IVD: variants seen among roughly 807,000 people sequenced by gnomAD.
IVD encodes isovaleryl-CoA dehydrogenase, mitochondrial.
Under a neutral mutation model 51.3 loss-of-function variants are expected in IVD, and 31 were observed. That is an observed-to-expected ratio of 0.60 (90% confidence interval 0.45 to 0.81). The LOEUF is 0.81. Ranked by LOEUF, IVD falls within the 40% of genes least tolerant of loss-of-function variation. The pLI, the probability that IVD is intolerant of heterozygous loss-of-function variation, is 0.00. For synonymous variants in IVD, 205 were observed against 219.4 expected (o/e 0.93, Z 0.58); for missense variants, 475 against 552.0 (o/e 0.86, Z 1.40).
At chr15:40,427,899 C>T (rs971826452), downstream of IVD, among the ~76,000 whole-genome samples, 2 of 152,076 alleles carry the variant, frequency 1.3e-5, no homozygotes, top group African/African-American at 4.8e-5. Flanking sequence ...TAAGACTGGA[C>T]TGCCAGGCAC....
chr15:40,412,195 G>A (rs12440317), intron 6 of IVD, among the ~76,000 whole-genome samples: 17,310 of 152,254 alleles, frequency 0.11, 1,774 homozygotes, highest in East Asian at 0.49. Context: ...AAAGAAAATA[G>A]AGGGAGAAAT....
intron 8 of IVD, chr15:40,435,372 G>C: frequency 9.9e-7 from 1 of 1,014,446 alleles, no homozygotes; most frequent in Non-Finnish European, 1.2e-6. Context: ...GGCAGGAGCC[G>C]CTGGGGTTGT....
intron 7 of IVD, chr15:40,414,679 G>A (rs777305510): frequency 2.9e-6 from 2 of 685,996 alleles, no homozygotes; most frequent in South Asian, 1.7e-5. Flanking sequence ...GGTTGGCCTC[G>A]TGGATGGGGT....
At chr15:40,409,168 A>G (rs1021326685) in intron 3 of IVD, among the ~76,000 whole-genome samples, 2 of 152,196 alleles carry the variant, frequency 1.3e-5, no homozygotes, top group African/African-American at 4.8e-5. Context: ...TTGGGGGTTT[A>G]TGTACCCCAC....
In IVD at chr15:40,405,970, A is replaced by G. The variant is rs1188090884; in HGVS notation, c.143A>G (p.Gln48Arg). 1.2e-6 allele frequency: 2 copies of G among 1,601,324 alleles called. No homozygotes were observed. The highest frequency in any genetic ancestry group is 1.9e-4 in the Middle Eastern group (1 of 5,312). ...AATGGGCTAAGCGAGGAGCAGAGGCAGGTGAGGAGACTGACCCCCTTCCTG... is the reference window on the plus strand; with the variant it reads ...AATGGGCTAAGCGAGGAGCAGAGGCGGGTGAGGAGACTGACCCCCTTCCTG... ...AINGLSEEQRQLRQTMAKFLQ... is the reference protein window; with the variant it reads ...AINGLSEEQRRLRQTMAKFLQ... Residue 48 changes from glutamine (Q) to arginine (R), a missense_variant and splice_region_variant, in exon 1 of 12, where the codon CAG becomes CGG. Coordinates refer to ENST00000487418, the MANE Select transcript of IVD (RefSeq NM_002225.5).
In IVD at chr15:40,410,569, G is replaced by T. The variant is rs547125293; in HGVS notation, c.287-59G>T. 6.5e-5 allele frequency: 104 copies of T among 1,589,014 alleles called. No individual in the cohort carries two copies. In the African/African-American group the frequency reaches 1.2e-3, roughly 19 times the overall value. ...TGCCGTCAAATGTAAGATTCTTAAT[G>T]AATGTCCCGATTTAATCTGGGCTGC... is the stretch of plus-strand genomic sequence containing the variant. On this transcript the variant is annotated intron_variant, in intron 3 of 11. Coordinates refer to ENST00000487418, the MANE Select transcript of IVD (RefSeq NM_002225.5).
At chr15:40,433,203 C>A (rs1377469694) in intron 7 of IVD, among the ~76,000 whole-genome samples, 1 of 152,056 alleles carries the variant, frequency 6.6e-6, no homozygotes, top group Non-Finnish European at 1.5e-5. Context: ...AAAAAAAAAG[C>A]AAAGGTTTTG....
At chr15:40,410,482 G>A (rs1053051478) in intron 3 of IVD, 146 bp from the exon 4 acceptor site, 2 of 926,004 alleles carry the variant, frequency 2.2e-6, no homozygotes, top group African/African-American at 3.3e-5. Flanking sequence ...CAGGTCTGTG[G>A]CATCAGCTTA....
At position 40,418,126 on chromosome 15, in the gene IVD, G is replaced by A; in HGVS notation, c.1139-4G>A. Reference sequence around the variant, plus strand: ...TTTCTTCTCTGCCCAAACCCTGGTTGCAGGTGGCAATGGCTACATCAATGA... The same window carrying A: ...TTTCTTCTCTGCCCAAACCCTGGTTACAGGTGGCAATGGCTACATCAATGA... On this transcript the variant is annotated splice_region_variant and splice_polypyrimidine_tract_variant and intron_variant, in intron 11 of 11. Transcript: ENST00000487418. 4 of 1,614,050 alleles carry A rather than the reference G, an allele frequency of 2.5e-6. No homozygotes were observed. The highest frequency in any genetic ancestry group is 3.4e-6 in the Non-Finnish European group (4 of 1,179,994).
Position 40,420,822 on chromosome 15 carries a change from G to A in IVD, c.*2559G>A, listed in dbSNP as rs532233403. The A allele has an allele frequency of 3.6e-5, 35 of 985,516 alleles. 1 individual carries two copies. In the South Asian group the frequency reaches 1.4e-3, roughly 40 times the overall value. 61.0% of individuals were successfully genotyped at this position (985,516 alleles called of 1,614,324 possible). A position where few individuals can be genotyped will look rare whatever the true frequency, so the allele number is the denominator to read the frequency against. On this transcript the variant is annotated 3_prime_UTR_variant, in exon 12 of 12. Transcript: ENST00000487418. ...GTTCTGAGAATTCCAGCTTTGGGCCGCACTGTACAGCAGTCTGGATAGAGT... is the reference window on the plus strand; with the variant it reads ...GTTCTGAGAATTCCAGCTTTGGGCCACACTGTACAGCAGTCTGGATAGAGT...
Position 40,411,270 on chromosome 15 carries a change from G to A in IVD, c.467G>A (p.Gly156Asp). ...GGGTTTTCCTTGCAGCTGATCAGTG[G>A]TGAGTACATCGGAGCCCTGGCCATG... ...KEKYLPKLIS[G>D]EYIGALAMSE... Residue 156 changes from glycine (G) to aspartate (D), a missense_variant, in exon 5 of 12, where the codon GGT (glycine) becomes GAT (aspartate). Gly to Asp is a moderately conservative substitution (Grantham distance 94, BLOSUM62 -1). Transcript: ENST00000487418. 1 of 1,614,206 alleles carries A rather than the reference G, an allele frequency of 6.2e-7. No individual in the cohort carries two copies. Among genetic ancestry groups the A allele is most frequent in the Non-Finnish European group, 8.5e-7 (1 of 1,180,032 alleles).
In IVD at chr15:40,413,165, G is replaced by A. The variant is rs894829859; in HGVS notation, c.784+78G>A. On this transcript the variant is annotated intron_variant, in intron 7 of 11. Coordinates refer to ENST00000487418, the MANE Select transcript of IVD (RefSeq NM_002225.5). ...ATCTGGCTGTTCTCAAGTTGAGAAA[G>A]CCTCTGGGTTAGAGAGGCTTGGCAT... 62 of 1,177,698 alleles carry A rather than the reference G, an allele frequency of 5.3e-5. No individual in the cohort carries two copies. In the African/African-American group the frequency reaches 8.4e-4, roughly 16 times the overall value. The allele number at this position is 1,177,698 out of a possible 1,614,324, so 73.0% of individuals were successfully genotyped here.
Position 40,405,919 on chromosome 15 carries a change from C to T in IVD, c.92C>T (p.Ser31Leu), listed in dbSNP as rs1453456392. 9 of 1,613,108 alleles carry T rather than the reference C, an allele frequency of 5.6e-6. No individual in the cohort carries two copies. The highest frequency in any genetic ancestry group is 6.8e-6 in the Non-Finnish European group (8 of 1,179,822). Residue 31 changes from serine (S) to leucine (L), a missense_variant, in exon 1 of 12, where the codon TCG (serine) becomes TTG (leucine). Coordinates refer to ENST00000487418, the MANE Select transcript of IVD (RefSeq NM_002225.5). ...LAGFVSQRAH[S>L]LLPVDDAING... is the part of the protein sequence containing the mutation. ...GGCTTCGTTTCCCAGCGGGCCCACTCGCTTTTGCCCGTGGACGATGCAATC... is the reference window on the plus strand; with the variant it reads ...GGCTTCGTTTCCCAGCGGGCCCACTTGCTTTTGCCCGTGGACGATGCAATC...
chr15:40,416,459 C>A, intron 11 of IVD, 97 bp downstream of exon 11: 1 of 1,100,414 alleles, frequency 9.1e-7, no homozygotes, highest in Non-Finnish European at 1.4e-6. Context: ...GTGGCTCACA[C>A]CTATAATCCC....
chr15:40,409,016 A>G (rs887823860), intron 3 of IVD, among the ~76,000 whole-genome samples: 5 of 152,166 alleles, frequency 3.3e-5, no homozygotes, highest in Admixed American at 1.3e-4. Context: ...GTGGAACCCA[A>G]TATACTTCTC....
chr15:40,418,035 C>G, intron 11 of IVD, 95 bp from the exon 12 acceptor site: 1 of 1,556,252 alleles, frequency 6.4e-7, no homozygotes, highest in Non-Finnish European at 8.7e-7. Context: ...ATCACCCTCT[C>G]CTCCTGTGGC....
downstream of IVD, among the ~76,000 whole-genome samples, chr15:40,427,835 C>T (rs956748772): frequency 6.6e-6 from 1 of 152,070 alleles, no homozygotes. Context: ...TCCAGAAGCC[C>T]ACCAGTGGCC....
rs1008933494 is a variant in IVD, at chr15:40,409,219, C to T, written c.286+1229C>T. Among the ~76,000 whole-genome samples, 12 of 152,020 alleles carry T rather than the reference C, an allele frequency of 7.9e-5. 1 individual carries two copies. The South Asian group carries it at 2.3e-3, about 29-fold the overall frequency. On this transcript the variant is annotated intron_variant, in intron 3 of 11. Coordinates refer to ENST00000487418, the MANE Select transcript of IVD (RefSeq NM_002225.5). Reference sequence around the variant, plus strand: ...TGCTTCTGAATCAGATTGTATTTTACGGAAGAAAGAGGCAGTTAGAAATCA... The same window carrying T: ...TGCTTCTGAATCAGATTGTATTTTATGGAAGAAAGAGGCAGTTAGAAATCA...
At chr15:40,406,139 G>A (rs1890383240) in intron 1 of IVD, 168 bp downstream of exon 1, 1 of 1,537,902 alleles carries the variant, frequency 6.5e-7, no homozygotes, top group Non-Finnish European at 8.8e-7. Context: ...CTCCGACCTC[G>A]GGTCCAGTCC....
Sources: allele counts gnomAD v4.1 joint callset (sites outside exome capture counted in the v4.1 genomes callset), GRCh38; gene constraint gnomAD v4.1.1; transcripts MANE v1.5; gene names NCBI Gene and HGNC (gene_info 2026-07-23, HGNC 2026-07-21).